FERMT3: variants seen among roughly 807,000 people sequenced by gnomAD.
FERMT3 encodes FERM domain containing kindlin 3, also known as fermitin family homolog 3.
Under a neutral mutation model 80.8 loss-of-function variants are expected in FERMT3, and 33 were observed. The observed-to-expected ratio is 0.41, with a 90% confidence interval of 0.31 to 0.55. The LOEUF (loss-of-function observed/expected upper bound fraction) is 0.55. Among genes scored for constraint, FERMT3 ranks in the 20% least tolerant of loss-of-function variants. The pLI is 0.31. For missense variants in FERMT3, 754 were observed against 908.7 expected, an observed-to-expected ratio of 0.83 and a Z score of 2.19; for synonymous variants, 375 against 372.2, an observed-to-expected ratio of 1.01 and a Z score of -0.09.
At position 64,220,427 on chromosome 11, in the gene FERMT3, C is replaced by T. The variant is rs776114251; in HGVS notation, c.1312-9C>T. 3 of 1,610,882 alleles carry T rather than the reference C, an allele frequency of 1.9e-6. No individual in the cohort carries two copies. The highest frequency in any genetic ancestry group is 8.5e-7 in the Non-Finnish European group (1 of 1,179,576). On this transcript the variant is annotated splice_polypyrimidine_tract_variant and intron_variant, in intron 11 of 14. Transcript: ENST00000345728. ...GGTTAGCACTGTCCCCCTCACCCCT[C>T]TCGCCCAGGAGCAGCAGTATGCCCG... is the stretch of plus-strand genomic sequence containing the variant.
In FERMT3 at chr11:64,219,825, G is replaced by A. The variant is rs1565295691; in HGVS notation, c.1079+36G>A. On this transcript the variant is annotated intron_variant, in intron 9 of 14. Transcript: ENST00000345728. This position sits in a 1 kb window ranked among gnomAD's most constrained non-coding sequence, Gnocchi z 4.0. ...GGCCAGAGTAGGCAGCCCTGCTGGA[G>A]GGGTTGGTCTGCATATGGAGGGAGG... is the stretch of plus-strand genomic sequence containing the variant. The A allele has an allele frequency of 6.2e-7, 1 of 1,614,030 alleles. No individual in the cohort carries two copies. The highest frequency in any genetic ancestry group is 1.7e-5 in the Admixed American group (1 of 60,022).
intron 6 of FERMT3, among the ~76,000 whole-genome samples, chr11:64,213,638 A>G (rs1390937916): frequency 6.8e-6 from 1 of 146,456 alleles, no homozygotes; most frequent in Non-Finnish European, 1.5e-5. Flanking sequence ...GGTCATCACA[A>G]CCTCCGCCTC....
Position 64,219,220 on chromosome 11 carries a change from C to T in FERMT3, c.787-31C>T. The T allele has an allele frequency of 6.4e-7, 1 of 1,553,652 alleles. No individual in the cohort carries two copies. The highest frequency in any genetic ancestry group is 1.2e-5 in the South Asian group (1 of 84,646). The stretch of plus-strand genomic sequence containing the variant: ...CAGGGCAGCTGGCATCTGACCAGCC[C>T]AGCCTCCAGCCTCCTCTCCCCCCGC... On this transcript the variant is annotated intron_variant, in intron 6 of 14. Transcript: ENST00000345728. The surrounding 1 kb of genome is among the most constrained non-coding windows in gnomAD (Gnocchi z 4.0).
rs753649464 is a variant in FERMT3, at chr11:64,221,006, G to C, written c.1546-10G>C. On this transcript the variant is annotated splice_polypyrimidine_tract_variant and intron_variant, in intron 12 of 14. Transcript: ENST00000345728. The stretch of plus-strand genomic sequence containing the variant: ...GTGCCTGGCAGCCCGTCACCAGTAT[G>C]GTCCCGCAGCTCACCCCACGGATCC... The C allele has an allele frequency of 5.6e-6, 9 of 1,611,242 alleles. 1 individual carries two copies. In the South Asian group the frequency reaches 9.9e-5, roughly 18 times the overall value.
intron 6 of FERMT3, among the ~76,000 whole-genome samples, chr11:64,213,751 G>A (rs989498283): frequency 1.4e-5 from 2 of 144,406 alleles, no homozygotes; most frequent in African/African-American, 5.2e-5. Flanking sequence ...AGAGATGGAC[G>A]GGGTTTCTCC....
In FERMT3 at chr11:64,219,895, C is replaced by T. The variant is rs146822669; in HGVS notation, c.1084C>T (p.Arg362Trp). 3.1e-6 allele frequency: 5 copies of T among 1,613,822 alleles called. No individual in the cohort carries two copies. Among genetic ancestry groups the T allele is most frequent in the East Asian group, 2.2e-5 (1 of 44,890 alleles). ...AAACCCCAGCATCCCACGAAGGCCC[C>T]GGAAGCTGACCCTGAAGGGCTACCG... ...LKDHLRIFRP[R>W]KLTLKGYRQH... Residue 362 changes from arginine (R) to tryptophan (W), a missense_variant, in exon 10 of 15, where the codon CGG becomes TGG. By Grantham distance (101) the Arg-to-Trp change is moderately radical. Coordinates refer to ENST00000345728, the MANE Select transcript of FERMT3 (RefSeq NM_031471.6). The surrounding 1 kb of genome is among the most constrained non-coding windows in gnomAD (Gnocchi z 4.0).
intron 6 of FERMT3, among the ~76,000 whole-genome samples, chr11:64,218,909 C>T (rs1311482400): frequency 6.6e-6 from 1 of 152,212 alleles, no homozygotes; most frequent in African/African-American, 2.4e-5. Flanking sequence ...GTGAGCTTCC[C>T]TGTGGAAACT....
chr11:64,217,591 A>T (rs1946579137), intron 6 of FERMT3, among the ~76,000 whole-genome samples: 2 of 151,558 alleles, frequency 1.3e-5, no homozygotes, highest in South Asian at 4.2e-4. Context: ...TGCAACCCCC[A>T]CCCCGTCCAG....
Position 64,219,332 on chromosome 11 carries a change from G to A in FERMT3, c.868G>A (p.Glu290Lys). Residue 290 changes from glutamate (E) to lysine (K), a missense_variant, in exon 7 of 15, where the codon GAG becomes AAG. By Grantham distance (56) the Glu-to-Lys change is moderately conservative. Coordinates refer to ENST00000345728, the MANE Select transcript of FERMT3 (RefSeq NM_031471.6). This position sits in a 1 kb window ranked among gnomAD's most constrained non-coding sequence, Gnocchi z 4.0. ...LLEEIDCTEE[E>K]MMVFAALQYH... is the part of the protein sequence containing the mutation. ...GGAGGAGATTGACTGCACCGAGGAG[G>A]AGATGATGGTGTTTGCCGCCCTGCA... is the stretch of plus-strand genomic sequence containing the variant. 6.2e-7 allele frequency: 1 copy of A among 1,606,720 alleles called. No homozygotes were observed. The highest frequency in any genetic ancestry group is 1.1e-5 in the South Asian group (1 of 89,840).
At chr11:64,206,582 T>G (rs1177171479), upstream of FERMT3, 2 of 152,498 alleles carry the variant, frequency 1.3e-5, no homozygotes, top group African/African-American at 2.4e-5. Flanking sequence ...CTTCCTGTGC[T>G]CTCTGGGGAC....
intron 13 of FERMT3, among the ~76,000 whole-genome samples, chr11:64,221,557 G>A (rs1404594316): frequency 6.6e-6 from 1 of 152,084 alleles, no homozygotes; most frequent in Non-Finnish European, 1.5e-5. Context: ...CTTGAGCCTG[G>A]GAGGTCAAGA....
chr11:64,218,035 G>A (rs1456676687), intron 6 of FERMT3, among the ~76,000 whole-genome samples: 12 of 124,236 alleles, frequency 9.7e-5, no homozygotes, highest in Non-Finnish European at 1.6e-5. Context: ...ACGGAGTCTC[G>A]CTCTGTCGCC....
rs1591039760 is a variant in FERMT3 at position 64,220,310 on chromosome 11, A to G, written c.1295A>G (p.Tyr432Cys). 1 of 1,613,544 alleles carries G rather than the reference A, an allele frequency of 6.2e-7. No individual in the cohort carries two copies. The highest frequency in any genetic ancestry group is 2.2e-5 in the East Asian group (1 of 44,846). The change falls in exon 11 of 15, where the codon TAC (tyrosine) becomes TGC (cysteine). Residue 432 changes from tyrosine to cysteine, a missense_variant. Coordinates refer to ENST00000345728, the MANE Select transcript of FERMT3 (RefSeq NM_031471.6). Reference protein sequence around the residue: ...VPSPEGMSEIYLRCQDEQQYA... With the variant: ...VPSPEGMSEICLRCQDEQQYA... ...TCCCCTGAGGGCATGAGTGAGATCT[A>G]CCTGCGGTGCCAGGATGTGAGTGAG...
In FERMT3 at chr11:64,223,579, C is replaced by T. The variant is rs1421898387; in HGVS notation, c.*87C>T. On this transcript the variant is annotated 3_prime_UTR_variant, in exon 15 of 15. Transcript: ENST00000345728. ...CCACAGGGGCTCACTGCCCCACACC[C>T]GCTCCAGGCAGGCACCCAGCTGGGC... 27 of 1,464,150 alleles carry T rather than the reference C, an allele frequency of 1.8e-5. No homozygotes were observed. Among genetic ancestry groups the T allele is most frequent in the Non-Finnish European group, 2.3e-5 (25 of 1,080,694 alleles). The allele number at this position is 1,464,150 out of a possible 1,614,324, so 90.7% of individuals were successfully genotyped here.
At chr11:64,217,287 C>T (rs532652471) in intron 6 of FERMT3, among the ~76,000 whole-genome samples, 3 of 152,298 alleles carry the variant, frequency 2.0e-5, no homozygotes, top group South Asian at 4.1e-4. Context: ...CGGTGGCTCA[C>T]GCCTGTAATC....
chr11:64,214,664 T>C (rs1003554032), intron 6 of FERMT3, among the ~76,000 whole-genome samples: 10 of 151,632 alleles, frequency 6.6e-5, no homozygotes, highest in African/African-American at 2.4e-4. Context: ...TTCTTTCTTA[T>C]TTTTCGGTTC....
rs1011640269 is a variant in FERMT3 at position 64,206,827 on chromosome 11, C to T, written c.-15+13C>T. 5 of 155,664 alleles carry T rather than the reference C, an allele frequency of 3.2e-5. No homozygotes were observed. Among genetic ancestry groups the T allele is most frequent in the South Asian group, 1.7e-4 (1 of 5,862 alleles). 9.6% of individuals were successfully genotyped at this position (155,664 alleles called of 1,614,324 possible). Reference sequence around the variant, plus strand: ...CTTGCCAGGAAAGGTAAGCTCAGGCCTCACTGGGACCCTGGGCCCTTCTCT... The same window carrying T: ...CTTGCCAGGAAAGGTAAGCTCAGGCTTCACTGGGACCCTGGGCCCTTCTCT... On this transcript the variant is annotated intron_variant, in intron 1 of 14. Coordinates refer to ENST00000345728, the MANE Select transcript of FERMT3 (RefSeq NM_031471.6).
intron 6 of FERMT3, among the ~76,000 whole-genome samples, chr11:64,213,747 G>T (rs958042229): frequency 2.0e-5 from 3 of 147,112 alleles, no homozygotes; most frequent in Non-Finnish European, 1.5e-5. Context: ...TAGTAGAGAT[G>T]GACGGGGTTT....
intron 2 of FERMT3, 157 bp downstream of exon 2, chr11:64,207,681 TC>T: frequency 1.2e-6 from 1 of 863,320 alleles, no homozygotes; most frequent in Non-Finnish European, 1.7e-6. Flanking sequence ...AAAAGACATT[TC>T]CCCAACTTCC....
Sources: gnomAD v4.1 joint callset for allele counts (sites outside exome capture counted in the v4.1 genomes callset) on GRCh38, gnomAD v4.1.1 for gene constraint, Gnocchi (gnomAD v3.1) non-coding constraint, MANE v1.5 for transcripts, NCBI Gene and HGNC (gene_info 2026-07-23, HGNC 2026-07-21) for gene names.